Variants in FBXO7 observed in about 807,000 individuals in gnomAD.
FBXO7 encodes F-box only protein 7.
In FBXO7, 31 loss-of-function variants were observed where a neutral mutation model predicts 50.2. The ratio of observed to expected loss-of-function variants is 0.62; its 90% confidence interval spans 0.46 to 0.83. The LOEUF is 0.83. FBXO7 is among the 40% of genes least tolerant of loss of function. The pLI is 0.00. For synonymous variants in FBXO7, 256 were observed against 253.1 expected, an observed-to-expected ratio of 1.01 and a Z score of -0.11; for missense variants, 667 against 646.6, an observed-to-expected ratio of 1.03 and a Z score of -0.34.
intron 7 of FBXO7, among the ~76,000 whole-genome samples, chr22:32,494,332 AT>A (rs1434533636): frequency 2.0e-5 from 3 of 152,156 alleles, no homozygotes; most frequent in Non-Finnish European, 2.9e-5. Flanking sequence ...ATCTCAAAAA[AT>A]AATTCAATTT....
rs528940611 is a variant in FBXO7 at position 32,494,710 on chromosome 22, C to G, written c.1145-783C>G. ...ACAAATACCCTTTCACTTGTATATT[C>G]AAGTTTAGGATTAAAGCACAATTAT... On this transcript the variant is annotated intron_variant, in intron 7 of 8. Coordinates refer to ENST00000266087, the MANE Select transcript of FBXO7 (RefSeq NM_012179.4). Among the ~76,000 whole-genome samples, 5 of 151,718 alleles carry G rather than the reference C, an allele frequency of 3.3e-5. No homozygotes were observed. In the East Asian group the frequency reaches 7.7e-4, roughly 24 times the overall value.
chr22:32,497,699 TGAAAG>T (rs146915923), intron 8 of FBXO7, among the ~76,000 whole-genome samples: 4,728 of 152,248 alleles, frequency 0.031, 243 homozygotes, highest in African/African-American at 0.11. Context: ...AAATCTTTCA[TGAAAG>T]GAAGAGTGAG....
chr22:32,484,925 C>T, intron 3 of FBXO7, 143 bp from the exon 4 acceptor site: 1 of 866,338 alleles, frequency 1.2e-6, no homozygotes. Flanking sequence ...AATATATTGG[C>T]AATGTTAATG....
intron 8 of FBXO7, 79 bp from the exon 9 acceptor site, chr22:32,498,065 A>G (rs772997668): frequency 1.3e-6 from 2 of 1,493,952 alleles, no homozygotes; most frequent in Middle Eastern, 1.8e-4. Context: ...GATCTTTACT[A>G]TGAAAGCAAA....
intron 6 of FBXO7, chr22:32,491,830 G>A: frequency 8.1e-6 from 1 of 122,822 alleles, no homozygotes; most frequent in East Asian, 3.8e-4. Flanking sequence ...CCTTATATTA[G>A]CTTCTCATTT....
At chr22:32,495,957 G>T (rs1305423095) in intron 8 of FBXO7, among the ~76,000 whole-genome samples, 1 of 152,232 alleles carries the variant, frequency 6.6e-6, no homozygotes, top group Non-Finnish European at 1.5e-5. Flanking sequence ...TTATCCAGAA[G>T]ATGTAGCTAA....
intron 5 of FBXO7, 59 bp from the exon 6 acceptor site, chr22:32,491,027 T>C: frequency 8.5e-7 from 1 of 1,182,950 alleles, no homozygotes; most frequent in Non-Finnish European, 1.3e-6. Context: ...TTGGCAGAAA[T>C]AGAGGACAGT....
At chr22:32,476,314 C>T (rs2057428550) in intron 1 of FBXO7, among the ~76,000 whole-genome samples, 1 of 152,092 alleles carries the variant, frequency 6.6e-6, no homozygotes, top group Non-Finnish European at 1.5e-5. Context: ...TACATACTGG[C>T]ATCGTTACCA....
Position 32,498,373 on chromosome 22 carries a change from C to G in FBXO7, c.1412C>G (p.Thr471Arg). The change falls in exon 9 of 9, where the codon ACG becomes AGG. Residue 471 changes from threonine to arginine, a missense_variant. Transcript: ENST00000266087. ...TCACTCATTCCTGGTCCTGGGGAGA[C>G]GCCCAGCCAGTTTCCTCCACTGAGA... is the stretch of plus-strand genomic sequence containing the variant. ...ISSLIPGPGE[T>R]PSQFPPLRPR... is the part of the protein sequence containing the mutation. The G allele has an allele frequency of 6.2e-7, 1 of 1,614,206 alleles. No individual in the cohort carries two copies. Among genetic ancestry groups the G allele is most frequent in the Non-Finnish European group, 8.5e-7 (1 of 1,180,042 alleles).
At chr22:32,484,237 G>A in intron 3 of FBXO7, 113 bp downstream of exon 3, 3 of 868,504 alleles carry the variant, frequency 3.5e-6, no homozygotes, top group Non-Finnish European at 5.8e-6. Flanking sequence ...AAAATATAAA[G>A]CACTGTGCTA....
rs772289192 is a variant in FBXO7 at position 32,487,681 on chromosome 22, A to AATACT, written c.788-63_788-62insTACTA. 8.5e-4 allele frequency: 898 copies of AATACT among 1,054,348 alleles called. 2 individuals are homozygous for AATACT. Among genetic ancestry groups the AATACT allele is most frequent in the Non-Finnish European group, 1.2e-3 (845 of 682,968 alleles). The allele number at this position is 1,054,348 out of a possible 1,614,324, so 65.3% of individuals were successfully genotyped here. A position where few individuals can be genotyped will look rare whatever the true frequency, so the allele number is the denominator to read the frequency against. Reference sequence around the variant, plus strand: ...GAGCTAGGAAATGCAAGCCCATACTAAAAAAGAAAGGCAGTTGATGAAGTG... The same window carrying AATACT: ...GAGCTAGGAAATGCAAGCCCATACTAATACTAAAAAGAAAGGCAGTTGATGAAGTG... On this transcript the variant is annotated intron_variant, in intron 4 of 8. Coordinates refer to ENST00000266087, the MANE Select transcript of FBXO7 (RefSeq NM_012179.4).
chr22:32,488,762 A>G (rs2057515470), intron 5 of FBXO7: 1 of 152,202 alleles, frequency 6.6e-6, no homozygotes, highest in Non-Finnish European at 1.5e-5. Context: ...CAGAATACAT[A>G]TTTATAACGG....
chr22:32,498,567 T>G lies in FBXO7; in HGVS notation c.*37T>G, dbSNP rs906619695. 1 of 1,596,328 alleles carries G rather than the reference T, an allele frequency of 6.3e-7. No individual in the cohort carries two copies. Among genetic ancestry groups the G allele is most frequent in the Non-Finnish European group, 8.5e-7 (1 of 1,175,010 alleles). ...TTTCATTTCTGGAGCTCCATTTGTT[T>G]TTGTTTCTAAACTACAGATGTCAAC... On this transcript the variant is annotated 3_prime_UTR_variant, in exon 9 of 9. Transcript: ENST00000266087.
chr22:32,475,452 G>T (rs967695403), intron 1 of FBXO7: 2 of 1,599,404 alleles, frequency 1.3e-6, no homozygotes, highest in Middle Eastern at 1.7e-4. Flanking sequence ...AGGAGGGAAC[G>T]CACAATTTCC....
intron 2 of FBXO7, among the ~76,000 whole-genome samples, chr22:32,480,784 C>T (rs895693237): frequency 6.6e-6 from 1 of 151,954 alleles, no homozygotes; most frequent in Non-Finnish European, 1.5e-5. Flanking sequence ...ATTCTCCCAC[C>T]TCAGCCTCCC....
chr22:32,491,691 T>C (rs532361259), intron 6 of FBXO7: 16 of 152,124 alleles, frequency 1.1e-4, no homozygotes, highest in African/African-American at 3.9e-4. Flanking sequence ...GGAGGCTCTT[T>C]GCAGGCACTT....
At chr22:32,480,378 C>T (rs2057456895) in intron 2 of FBXO7, among the ~76,000 whole-genome samples, 2 of 152,208 alleles carry the variant, frequency 1.3e-5, no homozygotes, top group African/African-American at 2.4e-5. Context: ...TTCTTCCTTC[C>T]TTTAAACTGT....
chr22:32,495,619 T>C, intron 8 of FBXO7, 89 bp downstream of exon 8: 1 of 622,222 alleles, frequency 1.6e-6, no homozygotes, highest in Non-Finnish European at 2.6e-6. Context: ...CACTTTTATA[T>C]GATGTAGTGA....
Position 32,480,595 on chromosome 22 carries a change from C to T in FBXO7, c.417+1320C>T, listed in dbSNP as rs534129754. Among the ~76,000 whole-genome samples, 177 of 152,144 alleles carry T rather than the reference C, an allele frequency of 1.2e-3. 6 individuals carry two copies. In the South Asian group the frequency reaches 0.033, roughly 29 times the overall value. On this transcript the variant is annotated intron_variant, in intron 2 of 8. Coordinates refer to ENST00000266087, the MANE Select transcript of FBXO7 (RefSeq NM_012179.4). ...TCCTAAGCCCTTGCCAACCATAGCC[C>T]AATAGTTTTCTTTAATTTCTTTGTA...
Sources: gnomAD v4.1 joint callset for allele counts (sites outside exome capture counted in the v4.1 genomes callset) on GRCh38, gnomAD v4.1.1 for gene constraint, MANE v1.5 for transcripts, NCBI Gene and HGNC (gene_info 2026-07-23, HGNC 2026-07-21) for gene names.